Variants in SPRED2 observed in about 807,000 individuals in gnomAD.
SPRED2 encodes the protein sprouty-related, EVH1 domain-containing protein 2.
A neutral mutation model predicts 43.0 loss-of-function variants in SPRED2; 47 were observed. The ratio of observed to expected loss-of-function variants is 1.09; its 90% CI spans 0.87 to 1.40. The LOEUF (loss-of-function observed/expected upper bound fraction) is 1.40, where lower values mean the gene tolerates loss of function less well. SPRED2 is among the 40% of genes most tolerant of loss of function. SPRED2 has a pLI of 0.00. For missense variants in SPRED2, 561 were observed against 586.4 expected (o/e 0.96, Z 0.45); for synonymous variants, 225 against 225.7 (o/e 1.00, Z 0.03).
intron 1 of SPRED2, among the ~76,000 whole-genome samples, chr2:65,402,937 T>C (rs1247688591): frequency 2.4e-4 from 37 of 152,360 alleles, no homozygotes; most frequent in East Asian, 1.7e-3. Context: ...TTTGGTTGAA[T>C]TGAGAAATAT....
chr2:65,366,617 T>C (rs770308116), intron 1 of SPRED2: 4 of 1,553,270 alleles, frequency 2.6e-6, no homozygotes, highest in East Asian at 2.4e-5. Context: ...TTCCTCTACA[T>C]TGTGGAGCCC....
chr2:65,335,656 A>G (rs1183273273), intron 2 of SPRED2, among the ~76,000 whole-genome samples: 3 of 152,242 alleles, frequency 2.0e-5, no homozygotes, highest in African/African-American at 7.2e-5. Context: ...ATTTCAAACT[A>G]TTCTTTAACA....
intron 1 of SPRED2, among the ~76,000 whole-genome samples, chr2:65,412,194 A>G (rs1676178033): frequency 6.6e-6 from 1 of 152,154 alleles, no homozygotes; most frequent in Non-Finnish European, 1.5e-5. Flanking sequence ...ATGACAATTT[A>G]GGAGGTGAAT....
intron 2 of SPRED2, among the ~76,000 whole-genome samples, chr2:65,342,936 G>T (rs929355957): frequency 6.6e-6 from 1 of 152,196 alleles, no homozygotes; most frequent in African/African-American, 2.4e-5. Flanking sequence ...AACAAAGTGA[G>T]ATCCTGCCTT....
intron 2 of SPRED2, among the ~76,000 whole-genome samples, chr2:65,339,819 C>T (rs1674128753): frequency 6.6e-6 from 1 of 150,950 alleles, no homozygotes; most frequent in African/African-American, 2.4e-5. Context: ...TTTCAGATTC[C>T]ACATGGTTGA....
intron 2 of SPRED2, among the ~76,000 whole-genome samples, chr2:65,340,981 A>G (rs1229021631): frequency 7.0e-6 from 1 of 143,322 alleles, no homozygotes; most frequent in East Asian, 2.3e-4. Context: ...GGGCACTAGC[A>G]TTGCATTAGA....
intron 2 of SPRED2, among the ~76,000 whole-genome samples, chr2:65,343,782 T>G (rs1674256633): frequency 6.6e-6 from 1 of 152,176 alleles, no homozygotes. Context: ...TATTATGAAG[T>G]GTCAATCCCC....
At chr2:65,349,308 C>CAAAAAAAAA (rs59019958) in intron 1 of SPRED2, among the ~76,000 whole-genome samples, 5 of 83,694 alleles carry the variant, frequency 6.0e-5, no homozygotes, top group Admixed American at 1.6e-4. Flanking sequence ...GACTCTGTCT[C>CAAAAAAAAA]AAAAAAAAAA....
intron 1 of SPRED2, among the ~76,000 whole-genome samples, chr2:65,398,928 G>A (rs550154868): frequency 9.2e-5 from 14 of 152,148 alleles, no homozygotes; most frequent in African/African-American, 2.4e-5. Flanking sequence ...AGCACAATGC[G>A]CAACTGCAAA....
rs1400856961 is a variant in SPRED2, at chr2:65,410,631, C to T, written c.26+21331G>A. ...AAAATTAGCCGGGCGTGGTGGTGGGCGCCTGTAGTCCCAGCTACTCGGGAG... is the reference window on the plus strand; with the variant it reads ...AAAATTAGCCGGGCGTGGTGGTGGGTGCCTGTAGTCCCAGCTACTCGGGAG... On this transcript the variant is annotated intron_variant, in intron 1 of 5. Transcript: ENST00000356388. 4.0e-5 allele frequency among the ~76,000 whole-genome samples: 6 copies of T among 151,736 alleles called. No individual in the cohort carries two copies. In the South Asian group the frequency reaches 6.3e-4, roughly 16 times the overall value.
In SPRED2 at chr2:65,333,049, C is replaced by T. The variant is rs1288297694; in HGVS notation, c.374-998G>A. Among the ~76,000 whole-genome samples the T allele has an allele frequency of 5.3e-5, 8 of 151,986 alleles. No individual in the cohort carries two copies. In the South Asian group the frequency reaches 1.0e-3, roughly 20 times the overall value. ...TTGGGAGGCTGAGGCCGGCAGATCA[C>T]GAGGTCAGGAGTTCAAGACCAGCCT... On this transcript the variant is annotated intron_variant, in intron 3 of 5. Transcript: ENST00000356388.
intron 1 of SPRED2, among the ~76,000 whole-genome samples, chr2:65,423,300 G>A (rs550899354): frequency 2.3e-4 from 35 of 152,208 alleles, no homozygotes; most frequent in Non-Finnish European, 4.6e-4. Context: ...CAGGAATGGC[G>A]TAGGGATGGC....
chr2:65,352,383 A>G (rs1674536629), intron 1 of SPRED2, among the ~76,000 whole-genome samples: 1 of 152,252 alleles, frequency 6.6e-6, no homozygotes, highest in Non-Finnish European at 1.5e-5. Flanking sequence ...CATCAGTGAA[A>G]TCAGCCAACA....
intron 1 of SPRED2, among the ~76,000 whole-genome samples, chr2:65,425,225 C>T (rs1676528771): frequency 1.3e-5 from 2 of 152,062 alleles, no homozygotes; most frequent in Admixed American, 1.3e-4. Context: ...TAAAAACAAC[C>T]AGATCTGAAA....
intron 1 of SPRED2, among the ~76,000 whole-genome samples, chr2:65,412,344 G>A (rs1323247939): frequency 1.3e-5 from 2 of 152,130 alleles, no homozygotes; most frequent in African/African-American, 2.4e-5. Context: ...TGAGTAGGTG[G>A]CCTAGGACCA....
In SPRED2 at chr2:65,381,988, C is replaced by T. The variant is rs376330179; in HGVS notation, c.27-37092G>A. Among the ~76,000 whole-genome samples the T allele has an allele frequency of 7.9e-5, 12 of 152,176 alleles. 1 individual carries two copies. In the East Asian group the frequency reaches 1.5e-3, roughly 20 times the overall value. ...GGAGTTTCCTTGGTTTCACATCCACCTTGTGTTTTCCCAATATATGTCTGC... is the reference window on the plus strand; with the variant it reads ...GGAGTTTCCTTGGTTTCACATCCACTTTGTGTTTTCCCAATATATGTCTGC... On this transcript the variant is annotated intron_variant, in intron 1 of 5. Coordinates refer to ENST00000356388, the MANE Select transcript of SPRED2 (RefSeq NM_181784.3).
chr2:65,401,384 A>G (rs1675883249), intron 1 of SPRED2, among the ~76,000 whole-genome samples: 1 of 152,176 alleles, frequency 6.6e-6, no homozygotes, highest in African/African-American at 2.4e-5. Context: ...AGACCCCCCC[A>G]GGTGACTCAC....
intron 1 of SPRED2, among the ~76,000 whole-genome samples, chr2:65,360,277 C>T (rs1356087633): frequency 6.6e-6 from 1 of 152,132 alleles, no homozygotes; most frequent in Non-Finnish European, 1.5e-5. Flanking sequence ...TCAGCCACTT[C>T]TCAGGACTAA....
At chr2:65,410,587 G>A (rs1267930895) in intron 1 of SPRED2, among the ~76,000 whole-genome samples, 2 of 151,878 alleles carry the variant, frequency 1.3e-5, no homozygotes, top group Non-Finnish European at 2.9e-5. Context: ...GTGAGACCCC[G>A]TCTTTACTAA....
Sources: allele counts gnomAD v4.1 joint callset (sites outside exome capture counted in the v4.1 genomes callset), GRCh38; gene constraint gnomAD v4.1.1; transcripts MANE v1.5; gene names NCBI Gene and HGNC (gene_info 2026-07-23, HGNC 2026-07-21).